Variants in CDKAL1 observed in about 807,000 individuals in gnomAD.
The protein encoded by CDKAL1 is threonylcarbamoyladenosine tRNA methylthiotransferase.
CDKAL1 carries 32 observed loss-of-function variants against 68.2 expected under a neutral mutation model. The ratio of observed to expected loss-of-function variants is 0.47; its 90% CI spans 0.35 to 0.63. The LOEUF (loss-of-function observed/expected upper bound fraction) is 0.63, where lower values mean the gene tolerates loss of function less well. Ranked by LOEUF, CDKAL1 falls within the 30% of genes least tolerant of loss-of-function variation. CDKAL1 has a pLI of 0.00. For missense variants in CDKAL1, 606 were observed against 696.7 expected, an observed-to-expected ratio of 0.87 and a Z score of 1.47; for synonymous variants, 234 against 244.3, an observed-to-expected ratio of 0.96 and a Z score of 0.39.
At chr6:21,123,512 A>G (rs937485919) in intron 13 of CDKAL1, among the ~76,000 whole-genome samples, 19 of 152,138 alleles carry the variant, frequency 1.2e-4, no homozygotes, top group Admixed American at 5.2e-4. Context: ...GTGTACTACA[A>G]ATTAAGTGTG....
At chr6:20,648,049 TG>T (rs1471620278) in intron 4 of CDKAL1, among the ~76,000 whole-genome samples, 2 of 146,534 alleles carry the variant, frequency 1.4e-5, no homozygotes, top group Non-Finnish European at 3.0e-5. Flanking sequence ...CACTCCAGCC[TG>T]GGTGACAGAG....
intron 4 of CDKAL1, among the ~76,000 whole-genome samples, chr6:20,594,877 A>T (rs1765752705): frequency 6.6e-6 from 1 of 151,280 alleles, no homozygotes; most frequent in Non-Finnish European, 1.5e-5. Context: ...CAGGCCTGGA[A>T]TCTCTCAGCA....
At chr6:20,782,952 A>T (rs567080034) in intron 8 of CDKAL1, among the ~76,000 whole-genome samples, 2 of 151,876 alleles carry the variant, frequency 1.3e-5, no homozygotes, top group African/African-American at 4.8e-5. Flanking sequence ...TTTTTTTGAG[A>T]TGGAGTCTCC....
At chr6:20,808,211 T>A (rs1204867908) in intron 8 of CDKAL1, among the ~76,000 whole-genome samples, 1 of 152,252 alleles carries the variant, frequency 6.6e-6, no homozygotes, top group Non-Finnish European at 1.5e-5. Flanking sequence ...TAAAATATTA[T>A]TCTTCCACAG....
chr6:20,687,807 T>C lies in CDKAL1; in HGVS notation c.371+38430T>C, dbSNP rs116447952. 4.8e-3 allele frequency among the ~76,000 whole-genome samples: 735 copies of C among 152,320 alleles called. 5 individuals are homozygous for C. Among genetic ancestry groups the C allele is most frequent in the African/African-American group, 0.017 (688 of 41,582 alleles). The stretch of plus-strand genomic sequence containing the variant: ...TACCATAGTGCTAGGATTATAGGCA[T>C]GAGCCACCTTGCCCTGCTTCTTTCT... On this transcript the variant is annotated intron_variant, in intron 5 of 15. Transcript: ENST00000274695.
intron 13 of CDKAL1, among the ~76,000 whole-genome samples, chr6:21,116,669 G>T (rs3935207): frequency 0.17 from 26,244 of 151,840 alleles, 2,628 homozygotes; most frequent in African/African-American, 0.26. Context: ...GCATATTCTC[G>T]CCCCTGCACC....
chr6:20,625,418 G>A (rs1767384247), intron 4 of CDKAL1, among the ~76,000 whole-genome samples: 1 of 152,084 alleles, frequency 6.6e-6, no homozygotes, highest in Admixed American at 6.6e-5. Flanking sequence ...AATGGTGTGT[G>A]TTAGTCTTGT....
intron 4 of CDKAL1, among the ~76,000 whole-genome samples, chr6:20,613,034 CACACACACACAA>C (rs1261826129): frequency 3.5e-4 from 41 of 115,508 alleles, no homozygotes; most frequent in African/African-American, 1.3e-3. Flanking sequence ...CACACACACA[CACACACACACAA>C]AGGGTATGGA....
chr6:20,614,522 G>A (rs1224380832), intron 4 of CDKAL1, among the ~76,000 whole-genome samples: 1 of 152,036 alleles, frequency 6.6e-6, no homozygotes. Context: ...AAATGTATTT[G>A]TATTCCTTCT....
Position 20,874,364 on chromosome 6 carries a change from T to C in CDKAL1, c.742+28186T>C, listed in dbSNP as rs538253213. Among the ~76,000 whole-genome samples, 30 of 152,104 alleles carry C rather than the reference T, an allele frequency of 2.0e-4. No individual in the cohort carries two copies. In the East Asian group the frequency reaches 5.8e-3, roughly 29 times the overall value. ...TCGTCCAGGCTGGATGATAGAGTGG[T>C]GTGATCTCAGCCCATTGCAACTTCC... On this transcript the variant is annotated intron_variant, in intron 9 of 15. Coordinates refer to ENST00000274695, the MANE Select transcript of CDKAL1 (RefSeq NM_017774.3).
intron 10 of CDKAL1, among the ~76,000 whole-genome samples, chr6:20,996,586 A>AC (rs1174668765): frequency 3.3e-5 from 5 of 152,220 alleles, no homozygotes; most frequent in Admixed American, 2.0e-4. Context: ...GCCATCTTAT[A>AC]TGGGCGCGGT....
intron 9 of CDKAL1, among the ~76,000 whole-genome samples, chr6:20,858,005 G>T (rs11965417): frequency 7.9e-5 from 12 of 152,210 alleles, no homozygotes; most frequent in African/African-American, 2.4e-4. Context: ...GATTACAGGC[G>T]CATGCCACGA....
chr6:20,724,865 A>G (rs1319318380), intron 5 of CDKAL1, among the ~76,000 whole-genome samples: 1 of 152,214 alleles, frequency 6.6e-6, no homozygotes, highest in African/African-American at 2.4e-5. Flanking sequence ...AAATATAAGT[A>G]TCTCATAAAC....
chr6:20,759,688 G>A (rs1217365933), intron 7 of CDKAL1, among the ~76,000 whole-genome samples: 1 of 152,130 alleles, frequency 6.6e-6, no homozygotes, highest in Non-Finnish European at 1.5e-5. Context: ...ATTACACAAA[G>A]AAAGTAGAAT....
At chr6:20,868,728 C>A (rs1384310244) in intron 9 of CDKAL1, among the ~76,000 whole-genome samples, 1 of 152,182 alleles carries the variant, frequency 6.6e-6, no homozygotes, top group Non-Finnish European at 1.5e-5. Flanking sequence ...TCATCCTTAT[C>A]AAACTGAATT....
intron 11 of CDKAL1, among the ~76,000 whole-genome samples, chr6:21,033,553 TAAG>T (rs1298045753): frequency 2.0e-5 from 3 of 152,040 alleles, no homozygotes; most frequent in African/African-American, 7.2e-5. Context: ...TAAGAGAATC[TAAG>T]GAGGGAAACA....
chr6:20,868,903 T>C (rs1760047258), intron 9 of CDKAL1, among the ~76,000 whole-genome samples: 2 of 152,204 alleles, frequency 1.3e-5, no homozygotes, highest in African/African-American at 4.8e-5. Context: ...CACATAGTAA[T>C]GGCCAAGGTG....
At chr6:21,043,489 C>T (rs1770049370) in intron 11 of CDKAL1, among the ~76,000 whole-genome samples, 1 of 152,130 alleles carries the variant, frequency 6.6e-6, no homozygotes, top group African/African-American at 2.4e-5. Context: ...TTGTATGCAA[C>T]ACTTGTAAGG....
intron 9 of CDKAL1, among the ~76,000 whole-genome samples, chr6:20,871,733 T>G (rs980708053): frequency 6.6e-6 from 1 of 152,170 alleles, no homozygotes; most frequent in Non-Finnish European, 1.5e-5. Context: ...AGATTAACCA[T>G]GTCTTAGAAA....
Sources: gnomAD v4.1 joint callset for allele counts (sites outside exome capture counted in the v4.1 genomes callset) on GRCh38, gnomAD v4.1.1 for gene constraint, MANE v1.5 for transcripts, NCBI Gene and HGNC (gene_info 2026-07-23, HGNC 2026-07-21) for gene names.